Variants in STPG2 observed in about 807,000 individuals in gnomAD.
STPG2 encodes the protein sperm tail PG-rich repeat containing 2, also known as sperm-tail PG-rich repeat-containing protein 2.
In STPG2, 56 loss-of-function variants were observed where a neutral mutation model predicts 54.2. That is an observed-to-expected ratio of 1.03 (90% confidence interval 0.83 to 1.29). The LOEUF is 1.29. STPG2 is among the 50% of genes most tolerant of loss of function. STPG2 has a pLI of 0.00. For missense variants in STPG2, 596 were observed against 544.9 expected (o/e 1.09, Z -0.93); for synonymous variants, 200 against 181.8 (o/e 1.10, Z -0.81).
chr4:97,977,106 T>C (rs2149260544), intron 6 of STPG2, among the ~76,000 whole-genome samples: 1 of 152,322 alleles, frequency 6.6e-6, no homozygotes, highest in South Asian at 2.1e-4. Context: ...TCTAAAATAC[T>C]GTAAAAGACT....
chr4:97,577,501 G>A (rs1190428879), intron 10 of STPG2, among the ~76,000 whole-genome samples: 4 of 151,990 alleles, frequency 2.6e-5, no homozygotes, highest in African/African-American at 4.8e-5. Flanking sequence ...AACAAATACC[G>A]CCTGTTCTCA....
intron 10 of STPG2, among the ~76,000 whole-genome samples, chr4:97,619,064 A>G (rs911215439): frequency 1.3e-5 from 2 of 152,200 alleles, no homozygotes; most frequent in African/African-American, 2.4e-5. Flanking sequence ...GGCTGATTAC[A>G]GATGCTCCTT....
At chr4:97,840,116 T>A (rs1307657575) in intron 9 of STPG2, among the ~76,000 whole-genome samples, 1 of 151,640 alleles carries the variant, frequency 6.6e-6, no homozygotes, top group Admixed American at 6.6e-5. Context: ...AATTTTGGAA[T>A]TGTAAATGCT....
At chr4:97,841,311 C>T (rs1220160248) in intron 8 of STPG2, among the ~76,000 whole-genome samples, 2 of 151,634 alleles carry the variant, frequency 1.3e-5, no homozygotes, top group African/African-American at 2.4e-5. Flanking sequence ...TGTAAGTGAA[C>T]ATTGTTTTAC....
chr4:98,143,223 T>G lies in STPG2; in HGVS notation c.-73A>C. The G allele has an allele frequency of 1.6e-6, 2 of 1,224,886 alleles. No homozygotes were observed. The highest frequency in any genetic ancestry group is 2.3e-6 in the Non-Finnish European group (2 of 865,114). The allele number at this position is 1,224,886 out of a possible 1,614,324, so 75.9% of individuals were successfully genotyped here. A position where few individuals can be genotyped will look rare whatever the true frequency, so the allele number is the denominator to read the frequency against. On this transcript the variant is annotated 5_prime_UTR_variant, in exon 1 of 11. Transcript: ENST00000295268. ...GATAAAAACAAGGTAGCTAGAAGTG[T>G]GGAGAAAAAGGAAGCCGACACCAGT...
At chr4:97,689,842 A>C (rs1723309408) in intron 10 of STPG2, among the ~76,000 whole-genome samples, 1 of 152,040 alleles carries the variant, frequency 6.6e-6, no homozygotes, top group South Asian at 2.1e-4. Flanking sequence ...AGATTGTCTT[A>C]ATTTTTTTAC....
At chr4:97,535,342 GCTGT>G (rs1180185580) in intron 4 of STPG2, among the ~76,000 whole-genome samples, 3 of 152,138 alleles carry the variant, frequency 2.0e-5, no homozygotes, top group Non-Finnish European at 2.9e-5. Context: ...AATATGTAGT[GCTGT>G]CTTTCTTCCT....
At chr4:98,113,576 G>T (rs1199693009) in intron 3 of STPG2, among the ~76,000 whole-genome samples, 1 of 151,990 alleles carries the variant, frequency 6.6e-6, no homozygotes, top group East Asian at 1.9e-4. Context: ...ACAAAGAGCA[G>T]AAAGGCATTT....
At chr4:98,120,848 T>TGTAGGTTGTCTGTTTGTGCTGATGATAA (rs1739658261) in intron 3 of STPG2, among the ~76,000 whole-genome samples, 1 of 152,212 alleles carries the variant, frequency 6.6e-6, no homozygotes. Flanking sequence ...TCTCCCATTC[T>TGTAGGTTGTCTGTTTGTGCTGATGATAA]GTAGGTTGTC....
chr4:97,714,722 G>A (rs1724236264), intron 9 of STPG2, among the ~76,000 whole-genome samples: 2 of 151,650 alleles, frequency 1.3e-5, no homozygotes, highest in Admixed American at 6.6e-5. Context: ...ATATATCATC[G>A]ACCATAGTAT....
intron 4 of STPG2, among the ~76,000 whole-genome samples, chr4:97,475,455 T>C (rs1270570786): frequency 1.3e-5 from 2 of 149,424 alleles, no homozygotes; most frequent in Non-Finnish European, 3.0e-5. Context: ...ATCTAACATA[T>C]ATGTATATAT....
intron 7 of STPG2, among the ~76,000 whole-genome samples, chr4:97,948,479 T>C (rs1469522994): frequency 2.0e-5 from 3 of 152,132 alleles, no homozygotes; most frequent in Non-Finnish European, 4.4e-5. Flanking sequence ...TTTGTTCTTG[T>C]TTCTCTTATT....
At chr4:97,954,319 G>A (rs563356680) in intron 7 of STPG2, among the ~76,000 whole-genome samples, 3 of 152,176 alleles carry the variant, frequency 2.0e-5, no homozygotes, top group African/African-American at 4.8e-5. Context: ...TGGTGTGCAG[G>A]TGCACTCTCC....
intron 5 of STPG2, among the ~76,000 whole-genome samples, chr4:97,987,106 CATA>C (rs1354056126): frequency 6.6e-6 from 1 of 152,128 alleles, no homozygotes. Context: ...TGAATTCCTA[CATA>C]ATATTACCAA....
intron 8 of STPG2, among the ~76,000 whole-genome samples, chr4:97,906,321 A>G (rs1490363697): frequency 1.3e-5 from 2 of 152,246 alleles, no homozygotes; most frequent in African/African-American, 4.8e-5. Context: ...ACCAGGAAGA[A>G]GTTGAATCTC....
intron 10 of STPG2, among the ~76,000 whole-genome samples, chr4:97,611,866 G>A (rs942662257): frequency 6.6e-6 from 1 of 151,796 alleles, no homozygotes; most frequent in Non-Finnish European, 1.5e-5. Flanking sequence ...AGGAGAAAAT[G>A]TAAATGAATA....
At chr4:97,758,212 T>C (rs963757039) in intron 9 of STPG2, among the ~76,000 whole-genome samples, 14 of 152,154 alleles carry the variant, frequency 9.2e-5, no homozygotes, top group Non-Finnish European at 1.8e-4. Context: ...GAGGGCATTC[T>C]GCAAGGAATG....
downstream of STPG2, among the ~76,000 whole-genome samples, chr4:97,554,007 C>T (rs1017577721): frequency 3.3e-5 from 5 of 152,176 alleles, no homozygotes; most frequent in Non-Finnish European, 7.3e-5. Context: ...GTTCTAAGGT[C>T]TGTATTTAAT....
At chr4:97,962,396 A>G (rs17027076) in intron 7 of STPG2, among the ~76,000 whole-genome samples, 3,138 of 152,316 alleles carry the variant, frequency 0.021, 119 homozygotes, top group Admixed American at 0.1. Context: ...ATGGACCAAT[A>G]CAATACATAA....
Sources: gnomAD v4.1 joint callset for allele counts (sites outside exome capture counted in the v4.1 genomes callset) on GRCh38, gnomAD v4.1.1 for gene constraint, MANE v1.5 for transcripts, NCBI Gene and HGNC (gene_info 2026-07-23, HGNC 2026-07-21) for gene names.